Variants in PXDN observed in about 807,000 individuals in gnomAD.
PXDN encodes peroxidasin.
A neutral mutation model predicts 140.3 loss-of-function variants in PXDN; 77 were observed. That is an observed-to-expected ratio of 0.55 (90% CI 0.46 to 0.66). The LOEUF is 0.66. Ranked by LOEUF, PXDN falls within the 30% of genes least tolerant of loss-of-function variation. The pLI is 0.00. For synonymous variants in PXDN, 911 were observed against 857.4 expected (o/e 1.06, Z -1.09); for missense variants, 1,838 against 2,039.5 (o/e 0.90, Z 1.90).
rs1683294066 is a variant in PXDN, at chr2:1,661,101, T to C, written c.1681-64A>G. 4 of 1,583,648 alleles carry C rather than the reference T, an allele frequency of 2.5e-6. No homozygotes were observed. The Admixed American group carries it at 6.9e-5, about 27-fold the overall frequency. On this transcript the variant is annotated intron_variant, in intron 13 of 22. Coordinates refer to ENST00000252804, the MANE Select transcript of PXDN (RefSeq NM_012293.3). ...ACTAAGAAGCAGAAGTTATCTGACCTAGGGTTGGGGGAGGGGAGCCATTTG... is the reference window on the plus strand; with the variant it reads ...ACTAAGAAGCAGAAGTTATCTGACCCAGGGTTGGGGGAGGGGAGCCATTTG...
At chr2:1,699,882 G>A (rs1684382142) in intron 1 of PXDN, among the ~76,000 whole-genome samples, 1 of 152,164 alleles carries the variant, frequency 6.6e-6, no homozygotes, top group Non-Finnish European at 1.5e-5. Context: ...ATGATGTGAT[G>A]GGAACTCTTG....
intron 7 of PXDN, among the ~76,000 whole-genome samples, chr2:1,678,980 C>T (rs1452452252): frequency 6.6e-6 from 1 of 151,750 alleles, no homozygotes; most frequent in Non-Finnish European, 1.5e-5. Flanking sequence ...AAGAACTGAG[C>T]TAGAAGAAAC....
intron 1 of PXDN, among the ~76,000 whole-genome samples, chr2:1,735,531 G>A (rs992025452): frequency 2.0e-5 from 3 of 152,198 alleles, no homozygotes; most frequent in African/African-American, 7.2e-5. Flanking sequence ...GTGACGAGAT[G>A]CATTGTAAAC....
rs1683020769 is a variant in PXDN at position 1,651,814 on chromosome 2, T to G, written c.2104+1814A>C. ...CTGGGTCACTCGCTGGGGCTTCTTA[T>G]GTGCAGGGGCCTCTCTCTGGTTTTC... On this transcript the variant is annotated intron_variant, in intron 16 of 22. Coordinates refer to ENST00000252804, the MANE Select transcript of PXDN (RefSeq NM_012293.3). The surrounding 1 kb of genome is among the most constrained non-coding windows in gnomAD (Gnocchi z 4.4). Among the ~76,000 whole-genome samples the G allele has an allele frequency of 6.6e-6, 1 of 152,244 alleles. No individual in the cohort carries two copies. The highest frequency in any genetic ancestry group is 2.1e-4 in the South Asian group (1 of 4,828).
chr2:1,697,199 A>C (rs1461785308), intron 1 of PXDN, among the ~76,000 whole-genome samples: 1 of 152,220 alleles, frequency 6.6e-6, no homozygotes, highest in Non-Finnish European at 1.5e-5. Flanking sequence ...TTCTTCGGGA[A>C]TGCTGAAGAT....
At chr2:1,640,538 A>C (rs1682700642) in intron 19 of PXDN, among the ~76,000 whole-genome samples, 2 of 152,176 alleles carry the variant, frequency 1.3e-5, no homozygotes, top group Admixed American at 1.3e-4. Context: ...CGGAGCCCAC[A>C]AACAGTCCCA....
chr2:1,723,000 A>G (rs1235486764), intron 1 of PXDN, among the ~76,000 whole-genome samples: 4 of 152,216 alleles, frequency 2.6e-5, no homozygotes, highest in Non-Finnish European at 5.9e-5. Context: ...ATGGATAGAT[A>G]GGTGGGTGAT....
intron 12 of PXDN, among the ~76,000 whole-genome samples, chr2:1,663,151 G>A (rs1465323167): frequency 1.3e-5 from 2 of 152,140 alleles, no homozygotes; most frequent in Admixed American, 6.5e-5. Context: ...GAAGACCAGG[G>A]TCCAAGGATG....
chr2:1,740,303 G>A (rs1343104165), intron 1 of PXDN, among the ~76,000 whole-genome samples: 1 of 152,182 alleles, frequency 6.6e-6, no homozygotes, highest in East Asian at 1.9e-4. Context: ...GAGGAGGAGA[G>A]GTCCTCTCCG....
intron 11 of PXDN, chr2:1,664,656 A>G (rs775028961): frequency 1.2e-4 from 43 of 351,734 alleles, no homozygotes; most frequent in Non-Finnish European, 2.1e-4. Context: ...CACATCCTAG[A>G]GACTATCTGA....
intron 9 of PXDN, among the ~76,000 whole-genome samples, chr2:1,673,003 TGG>T (rs1183411139): frequency 6.6e-6 from 1 of 152,118 alleles, no homozygotes; most frequent in African/African-American, 2.4e-5. Context: ...AGAGCCATGG[TGG>T]GTACACCCAA....
At chr2:1,733,381 CG>C (rs914434312) in intron 1 of PXDN, among the ~76,000 whole-genome samples, 51 of 152,200 alleles carry the variant, frequency 3.4e-4, no homozygotes, top group African/African-American at 1.2e-3. Context: ...AACACACAGA[CG>C]TTGTACTGAC....
rs1266265482 is a variant in PXDN, at chr2:1,676,927, T to C, written c.848A>G (p.Asn283Ser). 6.2e-7 allele frequency: 1 copy of C among 1,610,316 alleles called. No homozygotes were observed. The highest frequency in any genetic ancestry group is 8.5e-7 in the Non-Finnish European group (1 of 1,178,468). ...GCATTTCTGTTTGGCCCCAACTCAC[T>C]TGTTTCGCAGCCAGATGATCTCAGG... The part of the protein sequence containing the change: ...PKPEIIWLRN[N>S]NELSMKTDSR... The change falls in exon 8 of 23, where the codon AAT becomes AGT. Residue 283 changes from asparagine to serine, a missense_variant and splice_region_variant. By Grantham distance (46) the Asn-to-Ser change is conservative. Transcript: ENST00000252804.
At chr2:1,676,651 C>T in intron 8 of PXDN, 1 of 498,314 alleles carries the variant, frequency 2.0e-6, no homozygotes, top group Non-Finnish European at 3.6e-6. Context: ...TCCCTCCCTC[C>T]CACCGGGAAG....
intron 16 of PXDN, among the ~76,000 whole-genome samples, chr2:1,652,673 G>A (rs1683041316): frequency 6.6e-6 from 1 of 151,996 alleles, no homozygotes; most frequent in Admixed American, 6.6e-5. Flanking sequence ...ACATTGGCTG[G>A]TGCCCAGGCT....
chr2:1,656,221 C>G (rs537686874), intron 14 of PXDN, among the ~76,000 whole-genome samples: 51 of 152,234 alleles, frequency 3.4e-4, no homozygotes, highest in African/African-American at 1.2e-3. Context: ...TGCCCTCTTT[C>G]TAGTTCCCTC....
At position 1,738,707 on chromosome 2, in the gene PXDN, C is replaced by T. The variant is rs555609078; in HGVS notation, c.200+5549G>A. Among the ~76,000 whole-genome samples the T allele has an allele frequency of 3.3e-5, 5 of 152,184 alleles. No homozygotes were observed. The East Asian group carries it at 9.7e-4, about 30-fold the overall frequency. ...GTGACCACAGGTGTGCACCACCAGG[C>T]CCAGCTAATTGTATTTCTGGTAGAG... On this transcript the variant is annotated intron_variant, in intron 1 of 22. Transcript: ENST00000252804.
Position 1,649,804 on chromosome 2 carries a change from A to G in PXDN, c.2105-129T>C. 2 of 1,089,172 alleles carry G rather than the reference A, an allele frequency of 1.8e-6. No individual in the cohort carries two copies. The highest frequency in any genetic ancestry group is 2.7e-6 in the Non-Finnish European group (2 of 738,338). The allele number at this position is 1,089,172 out of a possible 1,614,324, so 67.5% of individuals were successfully genotyped here. On this transcript the variant is annotated intron_variant, in intron 16 of 22. Coordinates refer to ENST00000252804, the MANE Select transcript of PXDN (RefSeq NM_012293.3). The surrounding 1 kb of genome is among the most constrained non-coding windows in gnomAD (Gnocchi z 7.1). Reference sequence around the variant, plus strand: ...CAGCTCATGAAACCTGTTGTGCGCCATGCAACAAGCGCTTCCTGCTGGAAA... The same window carrying G: ...CAGCTCATGAAACCTGTTGTGCGCCGTGCAACAAGCGCTTCCTGCTGGAAA...
At chr2:1,642,045 C>G (rs1357535600) in intron 19 of PXDN, among the ~76,000 whole-genome samples, 1 of 152,172 alleles carries the variant, frequency 6.6e-6, no homozygotes, top group African/African-American at 2.4e-5. Context: ...AAGTTTCCAA[C>G]AGATGTAATA....
Sources: allele counts gnomAD v4.1 joint callset (sites outside exome capture counted in the v4.1 genomes callset), GRCh38; gene constraint gnomAD v4.1.1; non-coding constraint Gnocchi (gnomAD v3.1); transcripts MANE v1.5; gene names NCBI Gene and HGNC (gene_info 2026-07-23, HGNC 2026-07-21).